The following SUPT20H variants were observed in gnomAD, a reference collection of about 807,000 sequenced individuals.
The protein encoded by SUPT20H is SPT20 homolog, SAGA complex component.
In SUPT20H, 82 loss-of-function variants were observed where a neutral mutation model predicts 122.8. That is an observed-to-expected ratio of 0.67 (90% CI 0.56 to 0.80). The LOEUF is 0.80. Among genes scored for constraint, SUPT20H ranks in the 30% least tolerant of loss-of-function variants. The pLI is 0.00. For synonymous variants in SUPT20H, 291 were observed against 313.0 expected (o/e 0.93, Z 0.74); for missense variants, 831 against 921.6 (o/e 0.90, Z 1.27).
intron 12 of SUPT20H, among the ~76,000 whole-genome samples, chr13:37,031,230 A>G (rs1460673687): frequency 3.3e-5 from 5 of 152,176 alleles, no homozygotes; most frequent in South Asian, 2.1e-4. Context: ...TTTTGATGAA[A>G]TATTATCAAA....
At chr13:37,024,232 CA>C (rs754905960) in intron 18 of SUPT20H, 39 bp from the exon 19 acceptor site, 1 of 1,577,622 alleles carries the variant, frequency 6.3e-7, no homozygotes, top group Non-Finnish European at 8.6e-7. Flanking sequence ...ATTTATAATT[CA>C]AACTTCTGTG....
intron 23 of SUPT20H, among the ~76,000 whole-genome samples, chr13:37,014,273 A>G (rs994587409): frequency 6.6e-6 from 1 of 152,134 alleles, no homozygotes; most frequent in Non-Finnish European, 1.5e-5. Flanking sequence ...AACCTTTAGC[A>G]AAAGGAAAAA....
At chr13:37,012,763 A>G (rs2059818445) in intron 23 of SUPT20H, 1 of 152,584 alleles carries the variant, frequency 6.6e-6, no homozygotes, top group Non-Finnish European at 1.5e-5. Flanking sequence ...CAGCTCCTAG[A>G]AGTAGTAAGT....
At chr13:37,041,005 G>A (rs1025903121) in intron 7 of SUPT20H, among the ~76,000 whole-genome samples, 2 of 151,996 alleles carry the variant, frequency 1.3e-5, no homozygotes, top group Non-Finnish European at 2.9e-5. Context: ...ACAGATCCTT[G>A]GAACTGCTGT....
chr13:37,033,689 A>C, intron 9 of SUPT20H, 101 bp from the exon 10 acceptor site: 1 of 1,291,028 alleles, frequency 7.7e-7, no homozygotes, highest in Non-Finnish European at 1.0e-6. Flanking sequence ...AATTCTGCTA[A>C]GGACTACAGT....
At chr13:37,056,771 GA>G (rs1250796731) in intron 1 of SUPT20H, 1,446 of 137,242 alleles carry the variant, frequency 0.011, 5 homozygotes, top group African/African-American at 0.022. Flanking sequence ...ATAATAAAAA[GA>G]AAAAAAAAAA....
intron 14 of SUPT20H, among the ~76,000 whole-genome samples, chr13:37,027,454 T>C (rs1175096106): frequency 3.3e-5 from 5 of 152,110 alleles, no homozygotes; most frequent in Non-Finnish European, 5.9e-5. Context: ...ATTGGTGGGG[T>C]TGCTCTTTAA....
chr13:37,030,480 T>C (rs1012730330), intron 12 of SUPT20H, among the ~76,000 whole-genome samples: 1 of 152,078 alleles, frequency 6.6e-6, no homozygotes, highest in African/African-American at 2.4e-5. Context: ...GTAAGTAGAT[T>C]TTGAGTAGGG....
chr13:37,020,014 T>A (rs2061230502), intron 21 of SUPT20H, among the ~76,000 whole-genome samples: 1 of 152,196 alleles, frequency 6.6e-6, no homozygotes. Context: ...GGCCATCATG[T>A]GGGCTTTGTG....
At chr13:37,018,952 A>G (rs972046563) in intron 22 of SUPT20H, among the ~76,000 whole-genome samples, 3 of 152,156 alleles carry the variant, frequency 2.0e-5, no homozygotes, top group African/African-American at 7.2e-5. Flanking sequence ...TACGGCCCAC[A>G]TACCTATTTT....
Position 37,019,335 on chromosome 13 carries a change from G to C in SUPT20H, c.1872+7C>G, listed in dbSNP as rs752657804. On this transcript the variant is annotated splice_region_variant and intron_variant, in intron 22 of 25. Coordinates refer to ENST00000350612, the MANE Select transcript of SUPT20H (RefSeq NM_001014286.3). ...AAATTTAATCAAAAGCAGTATTTCA[G>C]GTTTACCTGGAGTAGATTTAAGGGC... 2.2e-5 allele frequency: 35 copies of C among 1,587,806 alleles called. No homozygotes were observed. Among genetic ancestry groups the C allele is most frequent in the Middle Eastern group, 1.7e-4 (1 of 5,922 alleles).
chr13:37,017,467 C>G (rs1354649408), intron 22 of SUPT20H, 103 bp from the exon 23 acceptor site: 2 of 1,194,498 alleles, frequency 1.7e-6, no homozygotes, highest in Non-Finnish European at 2.3e-6. Context: ...ATGTGTCACT[C>G]TTCTAGTTAT....
chr13:37,032,452 T>C (rs1168396800), intron 10 of SUPT20H, among the ~76,000 whole-genome samples: 2 of 152,164 alleles, frequency 1.3e-5, no homozygotes, highest in Non-Finnish European at 2.9e-5. Context: ...CAAAGAGATG[T>C]GGTCACAAGA....
intron 24 of SUPT20H, among the ~76,000 whole-genome samples, 196 bp downstream of exon 24, chr13:37,011,994 TAA>T (rs1312726342): frequency 6.6e-6 from 1 of 152,302 alleles, no homozygotes; most frequent in East Asian, 1.9e-4. Context: ...GTAATTATGT[TAA>T]GTCAAAGCTC....
chr13:37,035,752 G>A (rs1037759564), intron 9 of SUPT20H, among the ~76,000 whole-genome samples: 1 of 152,102 alleles, frequency 6.6e-6, no homozygotes, highest in Non-Finnish European at 1.5e-5. Flanking sequence ...GGCTGGTCTC[G>A]AACTGCTGAC....
chr13:37,047,593 AC>A lies in SUPT20H; in HGVS notation c.106del (p.Val36TyrfsTer22). The A allele has an allele frequency of 7.1e-7, 1 of 1,411,310 alleles. No individual in the cohort carries two copies. 87.4% of individuals were successfully genotyped at this position (1,411,310 alleles called of 1,614,324 possible). A position where few individuals can be genotyped will look rare whatever the true frequency, so the allele number is the denominator to read the frequency against. ...RKYLSSGRKS[V>X]FQKLYDLYIE... ...ATACAAGTCATAAAGTTTTTGAAAT[AC>A]AGATTTTCTAAAAAAATTTAATGAA... On this transcript the variant is annotated frameshift_variant, in exon 5 of 26. Transcript: ENST00000350612. LOFTEE classifies it high-confidence loss of function.
At chr13:37,057,138 G>A (rs2069265165) in intron 1 of SUPT20H, 1 of 151,484 alleles carries the variant, frequency 6.6e-6, no homozygotes, top group South Asian at 2.1e-4. Context: ...TCACTACTAA[G>A]GGAAGAAAAA....
At chr13:37,010,752 T>C (rs2059459367) in intron 24 of SUPT20H, 97 bp from the exon 25 acceptor site, 3 of 805,414 alleles carry the variant, frequency 3.7e-6, no homozygotes, top group East Asian at 2.6e-5. Flanking sequence ...ATAGAAAAGT[T>C]AGCAGTATGA....
intron 5 of SUPT20H, chr13:37,047,168 C>T (rs537646535): frequency 6.5e-6 from 1 of 154,782 alleles, no homozygotes; most frequent in East Asian, 1.9e-4. Context: ...TTTAAATCAT[C>T]ATGAGAAAAC....
Sources: gnomAD v4.1 joint callset for allele counts (sites outside exome capture counted in the v4.1 genomes callset) on GRCh38, gnomAD v4.1.1 for gene constraint, MANE v1.5 for transcripts, NCBI Gene and HGNC (gene_info 2026-07-23, HGNC 2026-07-21) for gene names.